FRMD1: variants seen among roughly 807,000 people sequenced by gnomAD.
FRMD1 encodes FERM domain containing 1, also known as FERM domain-containing protein 1.
FRMD1 carries 51 observed loss-of-function variants against 54.9 expected under a neutral mutation model. The observed-to-expected ratio is 0.93, with a 90% confidence interval of 0.74 to 1.17. FRMD1 has a LOEUF of 1.17. FRMD1 is among the 50% of genes most tolerant of loss of function. FRMD1 has a pLI of 0.00. For synonymous variants in FRMD1, 324 were observed against 306.4 expected (o/e 1.06, Z -0.60); for missense variants, 729 against 743.0 (o/e 0.98, Z 0.22).
At chr6:168,081,318 G>T (rs1317566506), upstream of FRMD1, 4 of 1,492,920 alleles carry the variant, frequency 2.7e-6, no homozygotes, top group Admixed American at 8.2e-5. Context: ...GCAGAGGCGT[G>T]ACCGGGCCCC....
chr6:168,067,380 T>C lies in FRMD1; in HGVS notation c.371A>G (p.Lys124Arg), dbSNP rs1800095148. 1.2e-6 allele frequency: 2 copies of C among 1,601,550 alleles called. No homozygotes were observed. The highest frequency in any genetic ancestry group is 4.5e-5 in the East Asian group (2 of 44,776). ...CTCTACACTTACTTCATTTCTTTCT[T>C]TCTTCCAATCTTTTGAGAAGTACTT... ...LSKYFSKDWK[K>R]ERNEGNEKPR... Residue 124 changes from lysine to arginine, a missense_variant, in exon 3 of 11, where the codon AAA becomes AGA. Coordinates refer to ENST00000283309, the MANE Select transcript of FRMD1 (RefSeq NM_024919.6).
chr6:168,082,242 C>T (rs1800845085), upstream of FRMD1, among the ~76,000 whole-genome samples: 1 of 152,262 alleles, frequency 6.6e-6, no homozygotes, highest in Admixed American at 6.5e-5. Flanking sequence ...CCTTTACCGA[C>T]TCGGCTGCGA....
chr6:168,075,669 T>TC (rs916926724), intron 1 of FRMD1: 1 of 1,262,500 alleles, frequency 7.9e-7, no homozygotes, highest in African/African-American at 1.5e-5. Context: ...AGGGCCGCCC[T>TC]CTGGGCTCTG....
upstream of FRMD1, among the ~76,000 whole-genome samples, chr6:168,084,444 C>T (rs187730751): frequency 2.8e-4 from 43 of 152,374 alleles, no homozygotes; most frequent in East Asian, 1.9e-3. Context: ...TGACATGCTG[C>T]TCCTGCCATC....
chr6:168,063,448 C>G (rs1799863317), intron 6 of FRMD1, among the ~76,000 whole-genome samples, 153 bp downstream of exon 6: 1 of 151,286 alleles, frequency 6.6e-6, no homozygotes, highest in African/African-American at 2.4e-5. Context: ...GGGGCTCCAT[C>G]TATCCCTGCC....
At chr6:168,066,496 C>T (rs1800031591) in intron 4 of FRMD1, 1 of 1,184,860 alleles carries the variant, frequency 8.4e-7, no homozygotes, top group African/African-American at 1.6e-5. Context: ...GAAACTCCGT[C>T]TCAAAACAAA....
upstream of FRMD1, among the ~76,000 whole-genome samples, chr6:168,079,775 G>A (rs118051608): frequency 7.7e-3 from 1,166 of 152,318 alleles, 7 homozygotes; most frequent in Non-Finnish European, 0.012. Context: ...GGAAGGCCAG[G>A]AAGGGGGTCC....
upstream of FRMD1, among the ~76,000 whole-genome samples, chr6:168,083,219 C>T (rs866228773): frequency 1.3e-4 from 20 of 152,352 alleles, no homozygotes; most frequent in African/African-American, 3.4e-4. Flanking sequence ...TCACCCGTCT[C>T]TGTGGTGCTA....
rs766604559 is a variant in FRMD1, at chr6:168,061,024, T to G, written c.1079A>C (p.Asp360Ala). 67 of 1,612,514 alleles carry G rather than the reference T, an allele frequency of 4.2e-5. No individual in the cohort carries two copies. Among genetic ancestry groups the G allele is most frequent in the Non-Finnish European group, 5.6e-5 (66 of 1,179,718 alleles). ...GCTGGCCAGGTCCAGCTCCAGCTCA[T>G]CGCTGATATAGGACTCCCGGTAGTG... ...KQHYRESYIS[D>A]ELELDLASRS... The change falls in exon 9 of 11, where the codon GAT (aspartate) becomes GCT (alanine). Residue 360 changes from aspartate to alanine, a missense_variant. Asp to Ala is a moderately radical substitution (Grantham distance 126). Coordinates refer to ENST00000283309, the MANE Select transcript of FRMD1 (RefSeq NM_024919.6).
chr6:168,075,855 GTCCACATT>G, intron 1 of FRMD1: 41 of 1,447,486 alleles, frequency 2.8e-5, no homozygotes, highest in South Asian at 8.6e-5. Flanking sequence ...GGCGTCCCGT[GTCCACATT>G]TCCGGTGCCC....
intron 2 of FRMD1, among the ~76,000 whole-genome samples, chr6:168,069,232 G>A (rs1188774771): frequency 6.6e-6 from 1 of 152,206 alleles, no homozygotes; most frequent in Non-Finnish European, 1.5e-5. Flanking sequence ...CTCAGAGCCA[G>A]GGGTTAGCAA....
chr6:168,070,938 C>A (rs540261855), intron 2 of FRMD1, among the ~76,000 whole-genome samples: 1 of 152,362 alleles, frequency 6.6e-6, no homozygotes, highest in South Asian at 2.1e-4. Context: ...AGCCTCCTCA[C>A]TCTCTTCCCA....
chr6:168,059,262 T>A lies in FRMD1; in HGVS notation c.1343-74A>T. The A allele has an allele frequency of 7.6e-7, 1 of 1,311,442 alleles. No individual in the cohort carries two copies. Among genetic ancestry groups the A allele is most frequent in the Non-Finnish European group, 1.1e-6 (1 of 945,418 alleles). 81.2% of individuals were successfully genotyped at this position (1,311,442 alleles called of 1,614,324 possible). A position where few individuals can be genotyped will look rare whatever the true frequency, so the allele number is the denominator to read the frequency against. On this transcript the variant is annotated intron_variant, in intron 9 of 10. Coordinates refer to ENST00000283309, the MANE Select transcript of FRMD1 (RefSeq NM_024919.6). The surrounding 1 kb of genome is among the most constrained non-coding windows in gnomAD (Gnocchi z 4.4). ...ATGGCTCCTCCCCAGGGCAGTTCCC[T>A]GCACTTCTGGGGCCCTGGTCTCGGA...
Position 168,056,006 on chromosome 6 carries a change from C to T in FRMD1, c.*1091G>A, listed in dbSNP as rs1371412887. On this transcript the variant is annotated 3_prime_UTR_variant, in exon 11 of 11. Coordinates refer to ENST00000283309, the MANE Select transcript of FRMD1 (RefSeq NM_024919.6). ...TGGCGTGGTCTTCACCACACACAGA[C>T]AGTGAAGGGGGCAGTGGTGTTCAGG... The T allele has an allele frequency of 6.6e-6, 1 of 152,382 alleles. No homozygotes were observed. The highest frequency in any genetic ancestry group is 1.5e-5 in the Non-Finnish European group (1 of 68,154). The allele number at this position is 152,382 out of a possible 1,614,324, so 9.4% of individuals were successfully genotyped here.
rs1799328681 is a variant in FRMD1 at position 168,053,688 on chromosome 6, A to ACG, written c.*3408_*3409insCG. 2.6e-5 allele frequency: 4 copies of ACG among 152,024 alleles called. No homozygotes were observed. Among genetic ancestry groups the ACG allele is most frequent in the Non-Finnish European group, 4.4e-5 (3 of 68,024 alleles). The allele number at this position is 152,024 out of a possible 1,614,324, so 9.4% of individuals were successfully genotyped here. Reference sequence around the variant, plus strand: ...CAAACTGATAAACCTTTGTGAATGCACTCGCAGGGCCGCAGAGCTCAGCTT... The same window carrying ACG: ...CAAACTGATAAACCTTTGTGAATGCACGCTCGCAGGGCCGCAGAGCTCAGCTT... On this transcript the variant is annotated 3_prime_UTR_variant, in exon 11 of 11. Coordinates refer to ENST00000283309, the MANE Select transcript of FRMD1 (RefSeq NM_024919.6).
At chr6:168,069,887 G>T (rs953311852) in intron 2 of FRMD1, among the ~76,000 whole-genome samples, 1 of 152,174 alleles carries the variant, frequency 6.6e-6, no homozygotes, top group Admixed American at 6.5e-5. Context: ...CCGCTGTATG[G>T]TCAAAGCAGT....
At chr6:168,090,304 C>T (rs75954524) in intron 1 of FRMD1, among the ~76,000 whole-genome samples, 2,417 of 152,258 alleles carry the variant, frequency 0.016, 77 homozygotes, top group African/African-American at 0.055. Flanking sequence ...AGACGGCTCC[C>T]ACCTCCCTCC....
chr6:168,071,998 C>G (rs1435051723), intron 2 of FRMD1, among the ~76,000 whole-genome samples: 1 of 152,234 alleles, frequency 6.6e-6, no homozygotes, highest in Admixed American at 6.5e-5. Flanking sequence ...AGCATCTGGG[C>G]AGCTGATGAC....
chr6:168,060,654 G>A (rs190470778), intron 9 of FRMD1, 107 bp downstream of exon 9: 1 of 1,160,200 alleles, frequency 8.6e-7, no homozygotes, highest in African/African-American at 1.5e-5. Flanking sequence ...CTGGCCACTG[G>A]AGGGCAGGCC....
Sources: allele counts gnomAD v4.1 joint callset (sites outside exome capture counted in the v4.1 genomes callset), GRCh38; gene constraint gnomAD v4.1.1; non-coding constraint Gnocchi (gnomAD v3.1); transcripts MANE v1.5; gene names NCBI Gene and HGNC (gene_info 2026-07-23, HGNC 2026-07-21).